Variants in GRAMD2B observed in about 807,000 individuals in gnomAD.
GRAMD2B encodes the protein GRAM domain containing 2B.
A neutral mutation model predicts 59.2 loss-of-function variants in GRAMD2B; 41 were observed. The observed-to-expected ratio is 0.69, with a 90% CI of 0.54 to 0.90. The LOEUF (loss-of-function observed/expected upper bound fraction) is 0.90, where lower values mean the gene tolerates loss of function less well. Among genes scored for constraint, GRAMD2B ranks in the 40% least tolerant of loss-of-function variants. GRAMD2B has a pLI of 0.00. For synonymous variants in GRAMD2B, 161 were observed against 182.7 expected (o/e 0.88, Z 0.96); for missense variants, 424 against 500.5 (o/e 0.85, Z 1.46).
chr5:126,413,561 G>A (rs920240778), intron 1 of GRAMD2B, among the ~76,000 whole-genome samples: 3 of 152,038 alleles, frequency 2.0e-5, no homozygotes, highest in South Asian at 2.1e-4. Context: ...GTGCAGATGA[G>A]AATATATATT....
intron 2 of GRAMD2B, chr5:126,467,416 A>G (rs1768656966): frequency 1.3e-5 from 2 of 152,274 alleles, no homozygotes; most frequent in Middle Eastern, 3.4e-3. Context: ...AGACCCAAAG[A>G]AATCCATATT....
intron 1 of GRAMD2B, among the ~76,000 whole-genome samples, chr5:126,455,074 G>C (rs983857188): frequency 1.3e-5 from 2 of 152,176 alleles, no homozygotes; most frequent in Non-Finnish European, 2.9e-5. Flanking sequence ...CCTCTCCATT[G>C]CGTGCTCTCC....
intron 1 of GRAMD2B, among the ~76,000 whole-genome samples, chr5:126,363,288 C>T (rs369047832): frequency 6.6e-6 from 1 of 151,736 alleles, no homozygotes; most frequent in South Asian, 2.1e-4. Context: ...CATACCCACT[C>T]GAATGGCTAT....
At chr5:126,460,175 T>C (rs908813854) in intron 1 of GRAMD2B, among the ~76,000 whole-genome samples, 1 of 152,172 alleles carries the variant, frequency 6.6e-6, no homozygotes, top group Non-Finnish European at 1.5e-5. Context: ...CTGTCTATCA[T>C]TTGTGGTTCA....
intron 1 of GRAMD2B, among the ~76,000 whole-genome samples, chr5:126,395,780 G>C (rs561102788): frequency 6.6e-6 from 1 of 152,036 alleles, no homozygotes; most frequent in Non-Finnish European, 1.5e-5. Context: ...GTGTGTGCGC[G>C]CATGCACATG....
intron 1 of GRAMD2B, among the ~76,000 whole-genome samples, chr5:126,380,606 C>T (rs965478170): frequency 4.6e-5 from 7 of 151,986 alleles, no homozygotes; most frequent in African/African-American, 7.2e-5. Context: ...TCCTTGTAGA[C>T]GTCTTTCACC....
At chr5:126,467,876 G>C (rs1011841832) in intron 2 of GRAMD2B, among the ~76,000 whole-genome samples, 3 of 152,134 alleles carry the variant, frequency 2.0e-5, no homozygotes, top group African/African-American at 7.2e-5. Flanking sequence ...GGCTAGAAGA[G>C]GCCTAGGACA....
chr5:126,494,202 T>A lies in GRAMD2B; in HGVS notation c.*1246T>A, dbSNP rs1199544454. ...GTTCGTAAATTCCTTTAACCAAGACTTAACTATGCTTTTTAACTCTTTTTC... is the reference window on the plus strand; with the variant it reads ...GTTCGTAAATTCCTTTAACCAAGACATAACTATGCTTTTTAACTCTTTTTC... On this transcript the variant is annotated 3_prime_UTR_variant, in exon 14 of 14. Coordinates refer to ENST00000285689, the MANE Select transcript of GRAMD2B (RefSeq NM_023927.4). 1.3e-5 allele frequency: 2 copies of A among 152,544 alleles called. No homozygotes were observed. Among genetic ancestry groups the A allele is most frequent in the Non-Finnish European group, 2.9e-5 (2 of 68,032 alleles). 9.4% of individuals were successfully genotyped at this position (152,544 alleles called of 1,614,324 possible). A position where few individuals can be genotyped will look rare whatever the true frequency, so the allele number is the denominator to read the frequency against.
chr5:126,447,596 G>A (rs999084246), intron 1 of GRAMD2B, among the ~76,000 whole-genome samples: 17 of 151,518 alleles, frequency 1.1e-4, no homozygotes, highest in South Asian at 2.1e-4. Context: ...CCCGGGAGGC[G>A]GAGCTTGCAG....
chr5:126,391,319 CA>C (rs61181985), intron 1 of GRAMD2B, among the ~76,000 whole-genome samples: 1,623 of 76,278 alleles, frequency 0.021, 42 homozygotes, highest in African/African-American at 0.028. Flanking sequence ...GACTCCATCT[CA>C]AAAAAAAAAA....
At chr5:126,477,220 A>G (rs1770790884) in intron 5 of GRAMD2B, among the ~76,000 whole-genome samples, 1 of 152,218 alleles carries the variant, frequency 6.6e-6, no homozygotes. Context: ...CTCAACCTGT[A>G]GTAACAGAAC....
intron 1 of GRAMD2B, among the ~76,000 whole-genome samples, chr5:126,463,892 G>A (rs1042600358): frequency 3.9e-5 from 6 of 152,210 alleles, no homozygotes; most frequent in African/African-American, 1.2e-4. Context: ...GGTGGCGTGC[G>A]CCTGTAATCC....
At chr5:126,460,987 TA>T (rs1336797822) in intron 1 of GRAMD2B, among the ~76,000 whole-genome samples, 3 of 152,222 alleles carry the variant, frequency 2.0e-5, no homozygotes, top group Admixed American at 1.3e-4. Context: ...TCTACTACCA[TA>T]AGGAAGCTTA....
At chr5:126,467,926 A>T (rs982926160) in intron 2 of GRAMD2B, among the ~76,000 whole-genome samples, 1 of 152,234 alleles carries the variant, frequency 6.6e-6, no homozygotes, top group African/African-American at 2.4e-5. Flanking sequence ...AAACCAGAGC[A>T]TAATTCTCTA....
chr5:126,417,791 G>C (rs975837902), intron 1 of GRAMD2B, among the ~76,000 whole-genome samples: 6 of 152,084 alleles, frequency 3.9e-5, no homozygotes, highest in Admixed American at 2.0e-4. Context: ...TCTCCTACAA[G>C]ATATGTGTCT....
At chr5:126,453,145 G>T (rs1023184712) in intron 1 of GRAMD2B, among the ~76,000 whole-genome samples, 3 of 152,108 alleles carry the variant, frequency 2.0e-5, no homozygotes, top group African/African-American at 4.8e-5. Context: ...GACCAGCCTG[G>T]CCAACATGGT....
chr5:126,367,992 C>T (rs1294146211), upstream of GRAMD2B, among the ~76,000 whole-genome samples: 1 of 152,230 alleles, frequency 6.6e-6, no homozygotes, highest in African/African-American at 2.4e-5. Flanking sequence ...ACCTCGTGAT[C>T]TGCCCGCGTC....
chr5:126,448,479 C>T (rs1764753371), intron 1 of GRAMD2B, among the ~76,000 whole-genome samples: 1 of 152,040 alleles, frequency 6.6e-6, no homozygotes, highest in African/African-American at 2.4e-5. Context: ...ATCCTGTAGG[C>T]AACAGAGAAC....
At chr5:126,386,809 G>C (rs370193341) in intron 1 of GRAMD2B, among the ~76,000 whole-genome samples, 29 of 152,280 alleles carry the variant, frequency 1.9e-4, no homozygotes, top group African/African-American at 6.5e-4. Flanking sequence ...ATTAGGTACA[G>C]ATAATTTTGG....
Sources: allele counts gnomAD v4.1 joint callset (sites outside exome capture counted in the v4.1 genomes callset), GRCh38; gene constraint gnomAD v4.1.1; transcripts MANE v1.5; gene names NCBI Gene and HGNC (gene_info 2026-07-23, HGNC 2026-07-21).